Variants in DIAPH3 observed in about 807,000 individuals in gnomAD.
The protein encoded by DIAPH3 is diaphanous related formin 3, also known as protein diaphanous homolog 3.
DIAPH3 carries 117 observed loss-of-function variants against 144.3 expected under a neutral mutation model. That is an observed-to-expected ratio of 0.81 (90% CI 0.70 to 0.95). The LOEUF (loss-of-function observed/expected upper bound fraction) is 0.95, where lower values mean the gene tolerates loss of function less well. Ranked by LOEUF, DIAPH3 falls within the 40% of genes least tolerant of loss-of-function variation. The probability of loss-of-function intolerance (pLI) is 0.00; values close to 1 mark genes in which losing one functional copy is unlikely to be tolerated. For missense variants in DIAPH3, 1,421 were observed against 1,412.7 expected (o/e 1.01, Z -0.09); for synonymous variants, 519 against 488.9 (o/e 1.06, Z -0.81).
intron 27 of DIAPH3, among the ~76,000 whole-genome samples, chr13:59,765,921 G>A (rs1347297887): frequency 1.3e-5 from 2 of 152,146 alleles, no homozygotes; most frequent in African/African-American, 4.8e-5. Flanking sequence ...GCACATGCCT[G>A]GAAGAAACTC....
intron 27 of DIAPH3, among the ~76,000 whole-genome samples, chr13:59,757,022 C>T (rs928788222): frequency 3.9e-5 from 6 of 152,106 alleles, no homozygotes; most frequent in African/African-American, 1.2e-4. Context: ...CCTCCTACTC[C>T]GTTTCTGGTT....
chr13:60,097,750 C>A (rs1216843452), intron 3 of DIAPH3, among the ~76,000 whole-genome samples: 1 of 142,198 alleles, frequency 7.0e-6, no homozygotes, highest in Non-Finnish European at 1.5e-5. Context: ...CATTTGAAAG[C>A]GTAAGAAAAG....
At chr13:60,062,935 C>T (rs946579125) in intron 4 of DIAPH3, among the ~76,000 whole-genome samples, 5 of 152,168 alleles carry the variant, frequency 3.3e-5, no homozygotes, top group East Asian at 1.9e-4. Flanking sequence ...GAGTGATCAG[C>T]GTGGTTGTTG....
At chr13:59,895,454 A>C (rs1046632417) in intron 20 of DIAPH3, among the ~76,000 whole-genome samples, 18 of 151,462 alleles carry the variant, frequency 1.2e-4, no homozygotes, top group East Asian at 3.9e-4. Flanking sequence ...CAAAAAAAAA[A>C]CACATTTATC....
intron 22 of DIAPH3, among the ~76,000 whole-genome samples, chr13:59,841,383 G>T (rs1399978938): frequency 1.3e-5 from 2 of 151,892 alleles, no homozygotes; most frequent in African/African-American, 4.8e-5. Context: ...TTGAAGCCAG[G>T]AGTTCAAGAC....
At chr13:60,021,658 C>G (rs1328981214) in intron 5 of DIAPH3, among the ~76,000 whole-genome samples, 1 of 138,642 alleles carries the variant, frequency 7.2e-6, no homozygotes, top group Non-Finnish European at 1.5e-5. Context: ...CAGAGCAAGG[C>G]TCTGTCTCAA....
chr13:60,069,258 G>A (rs2057103266), intron 4 of DIAPH3, among the ~76,000 whole-genome samples: 1 of 152,112 alleles, frequency 6.6e-6, no homozygotes, highest in African/African-American at 2.4e-5. Context: ...CTTTTCATAT[G>A]CTTGTTGATT....
At chr13:60,082,060 AAC>A (rs2057576703) in intron 4 of DIAPH3, among the ~76,000 whole-genome samples, 2 of 152,012 alleles carry the variant, frequency 1.3e-5, no homozygotes, top group Non-Finnish European at 2.9e-5. Context: ...AAAGTGAGCT[AAC>A]AGACATTAAG....
At chr13:59,704,913 G>C (rs1454325161) in intron 27 of DIAPH3, among the ~76,000 whole-genome samples, 2 of 152,074 alleles carry the variant, frequency 1.3e-5, no homozygotes, top group African/African-American at 4.8e-5. Flanking sequence ...TAACTTCCAG[G>C]AGGTCTAAGG....
At chr13:60,160,391 A>G (rs1439811693) in intron 1 of DIAPH3, among the ~76,000 whole-genome samples, 1 of 152,244 alleles carries the variant, frequency 6.6e-6, no homozygotes, top group East Asian at 1.9e-4. Context: ...GAACTCCTTC[A>G]TCAACTTGGA....
intron 2 of DIAPH3, among the ~76,000 whole-genome samples, chr13:60,119,893 A>C (rs889573663): frequency 1.4e-4 from 21 of 152,182 alleles, no homozygotes; most frequent in Non-Finnish European, 1.5e-5. Context: ...GATAGTTAGC[A>C]GTCAGTCAAG....
intron 5 of DIAPH3, among the ~76,000 whole-genome samples, chr13:60,037,707 AAGT>A (rs2055332652): frequency 2.6e-5 from 4 of 152,016 alleles, no homozygotes; most frequent in Admixed American, 2.6e-4. Flanking sequence ...AACCTGGAAA[AAGT>A]AGCATAAATT....
intron 5 of DIAPH3, among the ~76,000 whole-genome samples, chr13:60,030,611 C>G (rs1049687251): frequency 6.6e-6 from 1 of 152,114 alleles, no homozygotes; most frequent in Non-Finnish European, 1.5e-5. Context: ...CACAATGATA[C>G]AATACCGGGT....
intron 27 of DIAPH3, among the ~76,000 whole-genome samples, chr13:59,695,734 G>A (rs2138714439): frequency 6.6e-6 from 1 of 152,220 alleles, no homozygotes; most frequent in African/African-American, 2.4e-5. Context: ...TACTTAAGAA[G>A]TTAGTACTAA....
chr13:59,757,149 G>C (rs2037320101), intron 27 of DIAPH3, among the ~76,000 whole-genome samples: 1 of 152,032 alleles, frequency 6.6e-6, no homozygotes, highest in South Asian at 2.1e-4. Flanking sequence ...AAAATTCTGA[G>C]ACACATCCAG....
chr13:59,946,540 A>G (rs1167668539), intron 17 of DIAPH3, among the ~76,000 whole-genome samples: 37 of 152,324 alleles, frequency 2.4e-4, no homozygotes, highest in African/African-American at 3.1e-4. Context: ...CCTAAAGAGT[A>G]TATAGACAGC....
chr13:59,774,622 C>G (rs1347645962), intron 26 of DIAPH3, 106 bp downstream of exon 26: 2 of 1,063,530 alleles, frequency 1.9e-6, no homozygotes, highest in Non-Finnish European at 2.9e-6. Flanking sequence ...AGTTGTTGCC[C>G]ACGGCACTGC....
At chr13:59,867,551 TTAAA>T (rs1344153810) in intron 21 of DIAPH3, among the ~76,000 whole-genome samples, 1 of 152,116 alleles carries the variant, frequency 6.6e-6, no homozygotes, top group East Asian at 1.9e-4. Context: ...AGAAAGTGCA[TTAAA>T]TAATGTGGAC....
At chr13:59,948,271 C>G (rs910688305) in intron 17 of DIAPH3, among the ~76,000 whole-genome samples, 4 of 152,270 alleles carry the variant, frequency 2.6e-5, no homozygotes, top group Non-Finnish European at 5.9e-5. Flanking sequence ...ATCCCAATTC[C>G]TTGGCTGTAC....
Sources: gnomAD v4.1 joint callset for allele counts (sites outside exome capture counted in the v4.1 genomes callset) on GRCh38, gnomAD v4.1.1 for gene constraint, MANE v1.5 for transcripts, NCBI Gene and HGNC (gene_info 2026-07-23, HGNC 2026-07-21) for gene names.